Variants in ATP4A observed in about 807,000 individuals in gnomAD.
ATP4A encodes the protein ATPase H+/K+ transporting subunit alpha, also known as potassium-transporting ATPase alpha chain 1.
A neutral mutation model predicts 112.1 loss-of-function variants in ATP4A; 73 were observed. That is an observed-to-expected ratio of 0.65 (90% CI 0.54 to 0.79). The LOEUF is 0.79. Ranked by LOEUF, ATP4A falls within the 30% of genes least tolerant of loss-of-function variation. The pLI, the probability that ATP4A is intolerant of heterozygous loss-of-function variation, is 0.00. For missense variants in ATP4A, 1,081 were observed against 1,425.9 expected, an observed-to-expected ratio of 0.76 and a Z score of 3.90; for synonymous variants, 588 against 588.9, an observed-to-expected ratio of 1.00 and a Z score of 0.02.
chr19:35,560,392 A>G lies in ATP4A; in HGVS notation c.758T>C (p.Ile253Thr). 6.2e-7 allele frequency: 1 copy of G among 1,613,902 alleles called. No individual in the cohort carries two copies. The highest frequency in any genetic ancestry group is 8.5e-7 in the Non-Finnish European group (1 of 1,179,992). ...AAGGCACATGGTGGAGAAGAAGGCG[A>G]TGTTGCGGGTCTCCAGAGGGCTCTC... ...THESPLETRN[I>T]AFFSTMCLEG... The change falls in exon 6 of 22, where the codon ATC (isoleucine) becomes ACC (threonine). Residue 253 changes from isoleucine (I) to threonine (T), a missense_variant. Ile to Thr is a moderately conservative substitution (Grantham distance 89). This residue lies in a region of ATP4A where 850 missense variants were observed against 1,068.2 expected (regional missense o/e 0.80). Transcript: ENST00000262623. The surrounding 1 kb of genome is among the most constrained non-coding windows in gnomAD (Gnocchi z 5.1).
chr19:35,563,561 C>A (rs1229411095), intron 1 of ATP4A, 34 bp from the exon 2 acceptor site: 5 of 1,613,704 alleles, frequency 3.1e-6, no homozygotes, highest in Non-Finnish European at 4.2e-6. Flanking sequence ...AGGGAGAACT[C>A]AGATTCCACT....
rs1439256314 is a variant in ATP4A, at chr19:35,563,483, G to A, written c.57C>T (p.Gly19=). ...TGCTCATCTTGGCAGCCATGTCCCCGCCAGGGCCAGGACCCAGCTCCACCG... is the reference window on the plus strand; with the variant it reads ...TGCTCATCTTGGCAGCCATGTCCCCACCAGGGCCAGGACCCAGCTCCACCG... ...LYSVELGPGP[G]GDMAAKMSKK... is the part of the protein sequence containing the mutation. Residue 19 remains glycine, a synonymous_variant, in exon 2 of 22, where the codon GGC becomes GGT. Coordinates refer to ENST00000262623, the MANE Select transcript of ATP4A (RefSeq NM_000704.3). 10 of 1,546,384 alleles carry A rather than the reference G, an allele frequency of 6.5e-6. No individual in the cohort carries two copies. The Admixed American group carries it at 1.0e-4, about 16-fold the overall frequency.
rs776269865 is a variant in ATP4A at position 35,559,754 on chromosome 19, A to G, written c.1056+51T>C. 3 of 1,593,700 alleles carry G rather than the reference A, an allele frequency of 1.9e-6. No homozygotes were observed. The highest frequency in any genetic ancestry group is 2.3e-5 in the South Asian group (2 of 88,694). On this transcript the variant is annotated intron_variant, in intron 7 of 21. Transcript: ENST00000262623. This position sits in a 1 kb window ranked among gnomAD's most constrained non-coding sequence, Gnocchi z 4.1. ...GGGGGAAATGTGGAGGAAAGAACAG[A>G]TGGTTGAGCAGGCCCCTCAGCTCCC...
Position 35,555,892 on chromosome 19 carries a change from A to G in ATP4A, c.1870-80T>C. 6.6e-7 allele frequency: 1 copy of G among 1,517,160 alleles called. No homozygotes were observed. The highest frequency in any genetic ancestry group is 8.9e-7 in the Non-Finnish European group (1 of 1,128,612). The allele number at this position is 1,517,160 out of a possible 1,614,324, so 94.0% of individuals were successfully genotyped here. On this transcript the variant is annotated intron_variant, in intron 12 of 21. Transcript: ENST00000262623. This position sits in a 1 kb window ranked among gnomAD's most constrained non-coding sequence, Gnocchi z 6.6. ...TCCTCCCTGGGAGACATCTGCTGAT[A>G]CACGTGTTCATTTACTTGACCAAGC...
chr19:35,560,574 G>A lies in ATP4A; in HGVS notation c.576C>T (p.Asn192=), dbSNP rs375693219. ...GGTCGCCCACCACCAGTTGGTCAGC[G>A]TTGATCTGGAATTTGTCTCCATCGC... ...VIRDGDKFQI[N]ADQLVVGDLV... The change falls in exon 6 of 22, where the codon AAC becomes AAT. Residue 192 remains asparagine, a synonymous_variant. Transcript: ENST00000262623. The surrounding 1 kb of genome is among the most constrained non-coding windows in gnomAD (Gnocchi z 5.1). The A allele has an allele frequency of 2.3e-5, 35 of 1,501,050 alleles. No individual in the cohort carries two copies. Among genetic ancestry groups the A allele is most frequent in the Admixed American group, 3.6e-5 (2 of 56,304 alleles). The allele number at this position is 1,501,050 out of a possible 1,614,324, so 93.0% of individuals were successfully genotyped here. A position where few individuals can be genotyped will look rare whatever the true frequency, so the allele number is the denominator to read the frequency against.
chr19:35,563,447 C>A lies in ATP4A; in HGVS notation c.93G>T (p.Lys31Asn), dbSNP rs749787330. ...TCCTCTTGCCACCCCCGCCACCCGC[C>A]TTCTTCTTCTTGCTCATCTTGGCAG... ...DMAAKMSKKK[K>N]AGGGGGKRKE... The change falls in exon 2 of 22, where the codon AAG becomes AAT. Residue 31 changes from lysine (K) to asparagine (N), a missense_variant. Lys to Asn is a moderately conservative substitution (Grantham distance 94). Around this residue, in one of 3 missense-constraint regions of ATP4A, gnomAD observed 850 missense variants for 1,068.2 expected, o/e 0.80. Coordinates refer to ENST00000262623, the MANE Select transcript of ATP4A (RefSeq NM_000704.3). The A allele has an allele frequency of 8.1e-6, 13 of 1,613,782 alleles. No homozygotes were observed. Among genetic ancestry groups the A allele is most frequent in the African/African-American group, 1.3e-5 (1 of 74,866 alleles).
chr19:35,553,160 G>A lies in ATP4A; in HGVS notation c.2628C>T (p.Gly876=). The A allele has an allele frequency of 6.2e-7, 1 of 1,602,824 alleles. No individual in the cohort carries two copies. The highest frequency in any genetic ancestry group is 1.3e-5 in the African/African-American group (1 of 74,890). The change falls in exon 18 of 22, where the codon GGC becomes GGT. Residue 876 remains glycine, a synonymous_variant. Coordinates refer to ENST00000262623, the MANE Select transcript of ATP4A (RefSeq NM_000704.3). The part of the protein sequence containing the change: ...FQIGAIQSFA[G]FTDYFTAMAQ... ...CCATTGCCGTGAAGTAGTCAGTGAA[G>A]CCAGCAAAGGACTGAATGGCACCTG...
intron 4 of ATP4A, 140 bp from the exon 5 acceptor site, chr19:35,561,072 T>C (rs924410785): frequency 1.6e-5 from 11 of 677,572 alleles, no homozygotes; most frequent in Non-Finnish European, 2.6e-5. Flanking sequence ...CATGCACCAT[T>C]CCCTGTAGCC....
chr19:35,559,565 C>T lies in ATP4A; in HGVS notation c.1056+240G>A, dbSNP rs1022287694. Among the ~76,000 whole-genome samples, 6 of 152,276 alleles carry T rather than the reference C, an allele frequency of 3.9e-5. No homozygotes were observed. Among genetic ancestry groups the T allele is most frequent in the African/African-American group, 1.2e-4 (5 of 41,478 alleles). On this transcript the variant is annotated intron_variant, in intron 7 of 21. Coordinates refer to ENST00000262623, the MANE Select transcript of ATP4A (RefSeq NM_000704.3). The surrounding 1 kb of genome is among the most constrained non-coding windows in gnomAD (Gnocchi z 4.1). ...CTGGCTGCCTGCACAGGACATCAGCCTCTTCCAGTTAAGGACCCGGCCTCG... is the reference window on the plus strand; with the variant it reads ...CTGGCTGCCTGCACAGGACATCAGCTTCTTCCAGTTAAGGACCCGGCCTCG...
At position 35,561,448 on chromosome 19, in the gene ATP4A, C is replaced by T. The variant is rs2071670179; in HGVS notation, c.421-516G>A. On this transcript the variant is annotated intron_variant, in intron 4 of 21. Coordinates refer to ENST00000262623, the MANE Select transcript of ATP4A (RefSeq NM_000704.3). ...CCCCGTCCCTGCGTGTGCTGCAGAC[C>T]TTGTACGTCATGGTCTGTGTCCTCT... Among the ~76,000 whole-genome samples, 5 of 152,064 alleles carry T rather than the reference C, an allele frequency of 3.3e-5. No homozygotes were observed. In the South Asian group the frequency reaches 1.0e-3, roughly 32 times the overall value.
In ATP4A at chr19:35,555,592, TG is replaced by T. The variant is rs780708990; in HGVS notation, c.2007-3del. 3.2e-6 allele frequency: 5 copies of T among 1,577,876 alleles called. No individual in the cohort carries two copies. The African/African-American group carries it at 6.7e-5, about 21-fold the overall frequency. ...TTGATCACACAGGCACGGGCATCCC[TG>T]GGGAGGAGATGGGAGGACCTCGCTG... On this transcript the variant is annotated splice_polypyrimidine_tract_variant and splice_region_variant and intron_variant, in intron 13 of 21. Coordinates refer to ENST00000262623, the MANE Select transcript of ATP4A (RefSeq NM_000704.3). This position sits in a 1 kb window ranked among gnomAD's most constrained non-coding sequence, Gnocchi z 6.6.
chr19:35,558,255 G>T lies in ATP4A; in HGVS notation c.1500+107C>A. The T allele has an allele frequency of 1.4e-6, 2 of 1,391,906 alleles. No homozygotes were observed. Among genetic ancestry groups the T allele is most frequent in the Middle Eastern group, 2.4e-4 (1 of 4,122 alleles). The allele number at this position is 1,391,906 out of a possible 1,614,324, so 86.2% of individuals were successfully genotyped here. On this transcript the variant is annotated intron_variant, in intron 10 of 21. Coordinates refer to ENST00000262623, the MANE Select transcript of ATP4A (RefSeq NM_000704.3). The surrounding 1 kb of genome is among the most constrained non-coding windows in gnomAD (Gnocchi z 5.1). Reference sequence around the variant, plus strand: ...AGATGGGGTGGGGTTTGGCTGCGGAGAGAAGGGGCAAGGAGCGAAGCCCCT... The same window carrying T: ...AGATGGGGTGGGGTTTGGCTGCGGATAGAAGGGGCAAGGAGCGAAGCCCCT...
At chr19:35,561,682 T>A (rs554162878) in intron 4 of ATP4A, among the ~76,000 whole-genome samples, 1 of 151,972 alleles carries the variant, frequency 6.6e-6, no homozygotes, top group East Asian at 1.9e-4. Context: ...TTCCTCTCTG[T>A]CTCTGTGCTT....
Position 35,558,373 on chromosome 19 carries a change from T to C in ATP4A, c.1489A>G (p.Asn497Asp). Residue 497 changes from asparagine (N) to aspartate (D), a missense_variant, in exon 10 of 22, where the codon AAC becomes GAC. By Grantham distance (23) the Asn-to-Asp change is conservative. Transcript: ENST00000262623. The surrounding 1 kb of genome is among the most constrained non-coding windows in gnomAD (Gnocchi z 5.1). ...KVCEIPFNST[N>D]KFQLSIHTLE... ...GGCCGGCTGCGCACCTGGAACTTGT[T>C]GGTGGAGTTGAAGGGTATCTCGCAG... 6.2e-7 allele frequency: 1 copy of C among 1,610,932 alleles called. No individual in the cohort carries two copies. Among genetic ancestry groups the C allele is most frequent in the Non-Finnish European group, 8.5e-7 (1 of 1,178,774 alleles).
chr19:35,562,842 T>G (rs1395109793), intron 3 of ATP4A, among the ~76,000 whole-genome samples: 3 of 148,074 alleles, frequency 2.0e-5, no homozygotes, highest in African/African-American at 7.5e-5. Context: ...CGCTCCCCTT[T>G]CTATGTGTCT....
In ATP4A at chr19:35,550,490, A is replaced by T; in HGVS notation, c.*125T>A. 1 of 1,309,028 alleles carries T rather than the reference A, an allele frequency of 7.6e-7. No individual in the cohort carries two copies. The highest frequency in any genetic ancestry group is 1.1e-6 in the Non-Finnish European group (1 of 932,924). 81.1% of individuals were successfully genotyped at this position (1,309,028 alleles called of 1,614,324 possible). A position where few individuals can be genotyped will look rare whatever the true frequency, so the allele number is the denominator to read the frequency against. On this transcript the variant is annotated 3_prime_UTR_variant, in exon 22 of 22. Coordinates refer to ENST00000262623, the MANE Select transcript of ATP4A (RefSeq NM_000704.3). The surrounding 1 kb of genome is among the most constrained non-coding windows in gnomAD (Gnocchi z 4.1). The stretch of plus-strand genomic sequence containing the variant: ...AGTTTGGGGTGCCGTGGGCTACAGA[A>T]GCAGATACTGGTGGGGCTGGGACTC...
Position 35,562,555 on chromosome 19 carries a change from G to C in ATP4A, c.300C>G (p.Tyr100Ter). Residue 100 changes from tyrosine to a stop codon, truncating the protein, a stop_gained, in exon 4 of 22, where the codon TAC becomes TAG. Coordinates refer to ENST00000262623, the MANE Select transcript of ATP4A (RefSeq NM_000704.3). LOFTEE classifies it high-confidence loss of function. ...ALRPPRGTPE[Y>*]VKFARQLAGG... The stretch of plus-strand genomic sequence containing the variant: ...CGGCCAGCTGCCTCGCGAACTTGAC[G>C]TACTCTGGGGTGCCCCGTGGTGGCC... The C allele has an allele frequency of 6.2e-7, 1 of 1,612,816 alleles. No homozygotes were observed. The highest frequency in any genetic ancestry group is 8.5e-7 in the Non-Finnish European group (1 of 1,179,588).
chr19:35,560,132 C>A lies in ATP4A; in HGVS notation c.788-59G>T. On this transcript the variant is annotated intron_variant, in intron 6 of 21. Coordinates refer to ENST00000262623, the MANE Select transcript of ATP4A (RefSeq NM_000704.3). The surrounding 1 kb of genome is among the most constrained non-coding windows in gnomAD (Gnocchi z 5.1). ...GGGGCGGCAGTGGGGTGTGCACTGCCGTGTGAGCTGAAGGACAGCCAGTCA... is the reference window on the plus strand; with the variant it reads ...GGGGCGGCAGTGGGGTGTGCACTGCAGTGTGAGCTGAAGGACAGCCAGTCA... 1 of 1,594,590 alleles carries A rather than the reference C, an allele frequency of 6.3e-7. No homozygotes were observed. The highest frequency in any genetic ancestry group is 1.1e-5 in the South Asian group (1 of 89,112).
intron 16 of ATP4A, among the ~76,000 whole-genome samples, chr19:35,554,471 T>A (rs886397219): frequency 7.9e-5 from 12 of 152,168 alleles, no homozygotes; most frequent in Non-Finnish European, 1.3e-4. Context: ...ACTGTGTAAA[T>A]GTTACCGAAT....
Sources: gnomAD v4.1 joint callset for allele counts (sites outside exome capture counted in the v4.1 genomes callset) on GRCh38, gnomAD v4.1.1 for gene constraint, gnomAD v4.1.1 regional missense constraint, Gnocchi (gnomAD v3.1) non-coding constraint, MANE v1.5 for transcripts, NCBI Gene and HGNC (gene_info 2026-07-23, HGNC 2026-07-21) for gene names.